The following DCC variants were observed in gnomAD, a reference collection of about 807,000 sequenced individuals.
DCC encodes the protein netrin receptor DCC.
A neutral mutation model predicts 172.5 loss-of-function variants in DCC; 58 were observed. That is an observed-to-expected ratio of 0.34 (90% confidence interval 0.27 to 0.42). DCC has a LOEUF of 0.42. Among genes scored for constraint, DCC ranks in the 10% least tolerant of loss-of-function variants. The pLI is 1.00. For synonymous variants in DCC, 709 were observed against 644.5 expected, an observed-to-expected ratio of 1.10 and a Z score of -1.52; for missense variants, 1,740 against 1,791.0, an observed-to-expected ratio of 0.97 and a Z score of 0.51.
At chr18:52,545,571 G>C (rs2032588126) in intron 1 of DCC, among the ~76,000 whole-genome samples, 1 of 152,190 alleles carries the variant, frequency 6.6e-6, no homozygotes, top group Admixed American at 6.5e-5. Context: ...AGTGCTTAAT[G>C]AACATTGAAG....
chr18:52,540,800 G>A (rs1224658080), intron 1 of DCC, among the ~76,000 whole-genome samples: 1 of 151,698 alleles, frequency 6.6e-6, no homozygotes, highest in African/African-American at 2.4e-5. Context: ...TAGAGACGGG[G>A]TTTCACTGTG....
rs142614589 is a variant in DCC at position 53,219,846 on chromosome 18, C to G, written c.1911+4249C>G. Among the ~76,000 whole-genome samples the G allele has an allele frequency of 6.2e-3, 942 of 152,240 alleles. 12 individuals are homozygous for G. The highest frequency in any genetic ancestry group is 0.02 in the African/African-American group (813 of 41,546). ...ACAGTAGGAGAACAGCAAGTTTCTA[C>G]TCTGCAAAGCAAACTGATCATTTTT... On this transcript the variant is annotated intron_variant, in intron 12 of 28. Coordinates refer to ENST00000442544, the MANE Select transcript of DCC (RefSeq NM_005215.4).
At chr18:53,339,609 A>C in intron 14 of DCC, 104 bp from the exon 15 acceptor site, 1 of 874,842 alleles carries the variant, frequency 1.1e-6, no homozygotes, top group Non-Finnish European at 2.0e-6. Context: ...GTGATGCATT[A>C]TTTATGCATC....
intron 13 of DCC, among the ~76,000 whole-genome samples, chr18:53,309,281 C>G (rs527687056): frequency 6.6e-6 from 1 of 152,264 alleles, no homozygotes; most frequent in South Asian, 2.1e-4. Context: ...TCAAGTCATT[C>G]TCCCTCCACA....
chr18:53,136,971 G>T (rs2043752998), intron 7 of DCC, among the ~76,000 whole-genome samples: 1 of 152,166 alleles, frequency 6.6e-6, no homozygotes, highest in Non-Finnish European at 1.5e-5. Flanking sequence ...GCCCTAAAGG[G>T]CCATTCGGAA....
intron 1 of DCC, among the ~76,000 whole-genome samples, chr18:52,510,105 C>T (rs2031379447): frequency 7.0e-6 from 1 of 142,054 alleles, no homozygotes; most frequent in South Asian, 2.3e-4. Context: ...ATTCTGTCCC[C>T]CCTGCATCCC....
At chr18:53,287,974 T>C (rs952870159) in intron 12 of DCC, among the ~76,000 whole-genome samples, 1 of 152,124 alleles carries the variant, frequency 6.6e-6, no homozygotes, top group African/African-American at 2.4e-5. Flanking sequence ...TATTGGTTCT[T>C]TGAGCATGTA....
intron 14 of DCC, among the ~76,000 whole-genome samples, chr18:53,331,806 C>A (rs1197562975): frequency 6.6e-6 from 1 of 152,164 alleles, no homozygotes; most frequent in Non-Finnish European, 1.5e-5. Context: ...AATTGGGATT[C>A]TGCAGCTTTG....
At chr18:53,304,256 G>T (rs544228673) in intron 12 of DCC, among the ~76,000 whole-genome samples, 1 of 152,208 alleles carries the variant, frequency 6.6e-6, no homozygotes, top group South Asian at 2.1e-4. Context: ...AGGCTTGAGG[G>T]TGGGGCCTTT....
chr18:52,421,550 G>T (rs968603704), intron 1 of DCC, among the ~76,000 whole-genome samples: 1 of 152,194 alleles, frequency 6.6e-6, no homozygotes, highest in Non-Finnish European at 1.5e-5. Flanking sequence ...TCAGGCTCTT[G>T]AGGGATGGTG....
chr18:52,638,852 T>C (rs1236759253), intron 1 of DCC, among the ~76,000 whole-genome samples: 1 of 152,086 alleles, frequency 6.6e-6, no homozygotes, highest in East Asian at 1.9e-4. Context: ...TTGGAACAAA[T>C]GAACTTAACA....
chr18:52,946,682 T>C (rs925525790), intron 5 of DCC, among the ~76,000 whole-genome samples: 14 of 152,176 alleles, frequency 9.2e-5, no homozygotes, highest in African/African-American at 3.4e-4. Context: ...CAGCTCTTCT[T>C]ACATTCCATC....
At chr18:52,916,771 T>C (rs1023268181) in intron 3 of DCC, among the ~76,000 whole-genome samples, 2 of 152,134 alleles carry the variant, frequency 1.3e-5, no homozygotes, top group African/African-American at 4.8e-5. Context: ...TACACCTCCC[T>C]TTTCCAACTA....
chr18:52,340,956 T>C, intron 1 of DCC, 78 bp downstream of exon 1: 1 of 1,151,814 alleles, frequency 8.7e-7, no homozygotes, highest in Non-Finnish European at 1.3e-6. Context: ...TGGCGAGTAG[T>C]AGAATTGGGG....
intron 15 of DCC, among the ~76,000 whole-genome samples, chr18:53,341,319 C>G (rs1440942742): frequency 6.6e-6 from 1 of 152,162 alleles, no homozygotes; most frequent in East Asian, 1.9e-4. Context: ...TGACCCTATC[C>G]TTTTTCTAAT....
chr18:52,864,732 G>A lies in DCC; in HGVS notation c.413-41312G>A, dbSNP rs181238031. Among the ~76,000 whole-genome samples, 333 of 151,492 alleles carry A rather than the reference G, an allele frequency of 2.2e-3. 2 individuals carry two copies. Among genetic ancestry groups the A allele is most frequent in the African/African-American group, 7.7e-3 (317 of 41,264 alleles). On this transcript the variant is annotated intron_variant, in intron 2 of 28. Transcript: ENST00000442544. ...CAGTGTGTGTTGTTCCCCTCCGTGT[G>A]TCCATGTGTTTTCATTGTTCAACTT...
At chr18:52,361,250 C>T (rs1206327154) in intron 1 of DCC, among the ~76,000 whole-genome samples, 1 of 152,164 alleles carries the variant, frequency 6.6e-6, no homozygotes, top group East Asian at 1.9e-4. Context: ...ATAATCCCAT[C>T]ACTTCAGAAT....
rs185251840 is a variant in DCC, at chr18:53,066,519, C to T, written c.1261+353C>T. On this transcript the variant is annotated intron_variant, in intron 7 of 28. Coordinates refer to ENST00000442544, the MANE Select transcript of DCC (RefSeq NM_005215.4). ...AAGGCAATAACCACTAAATTATTACCTTCTCCCTCTTTTGTGGCCTGCCTT... is the reference window on the plus strand; with the variant it reads ...AAGGCAATAACCACTAAATTATTACTTTCTCCCTCTTTTGTGGCCTGCCTT... 8.2e-4 allele frequency among the ~76,000 whole-genome samples: 123 copies of T among 149,502 alleles called. 1 individual carries two copies. The highest frequency in any genetic ancestry group is 2.9e-3 in the African/African-American group (118 of 41,022).
At chr18:53,046,306 A>G (rs950822772) in intron 5 of DCC, among the ~76,000 whole-genome samples, 11 of 151,934 alleles carry the variant, frequency 7.2e-5, no homozygotes, top group African/African-American at 2.7e-4. Flanking sequence ...TAATGTTGGT[A>G]TATATTGTTT....
Sources: allele counts gnomAD v4.1 joint callset (sites outside exome capture counted in the v4.1 genomes callset), GRCh38; gene constraint gnomAD v4.1.1; transcripts MANE v1.5; gene names NCBI Gene and HGNC (gene_info 2026-07-23, HGNC 2026-07-21).